The following PTPRD variants were observed in gnomAD, a reference collection of about 807,000 sequenced individuals.
PTPRD encodes the protein protein tyrosine phosphatase receptor type D, also known as receptor-type tyrosine-protein phosphatase delta.
PTPRD carries 34 observed loss-of-function variants against 214.5 expected under a neutral mutation model. The observed-to-expected ratio is 0.16, with a 90% CI of 0.12 to 0.21. The LOEUF (loss-of-function observed/expected upper bound fraction) is 0.21. Ranked by LOEUF, PTPRD falls within the 10% of genes least tolerant of loss-of-function variation. The probability of loss-of-function intolerance (pLI) is 1.00; values close to 1 mark genes in which losing one functional copy is unlikely to be tolerated. For missense variants in PTPRD, 2,545 were observed against 2,398.7 expected, an observed-to-expected ratio of 1.06 and a Z score of -1.27; for synonymous variants, 1,128 against 845.7, an observed-to-expected ratio of 1.33 and a Z score of -5.79.
intron 2 of PTPRD, among the ~76,000 whole-genome samples, chr9:10,408,244 G>GTCTC (rs34337586): frequency 6.6e-6 from 1 of 151,128 alleles, no homozygotes; most frequent in East Asian, 2.0e-4. Flanking sequence ...GTATTTTTAA[G>GTCTC]TCTCTCTCTC....
intron 2 of PTPRD, among the ~76,000 whole-genome samples, chr9:10,566,305 G>C (rs1044651555): frequency 1.3e-5 from 2 of 151,854 alleles, no homozygotes; most frequent in Non-Finnish European, 2.9e-5. Flanking sequence ...CTGGATTGTA[G>C]GGTGTGTATA....
rs1403964010 is a variant in PTPRD, at chr9:8,319,274, T to TATCA, written c.5670+553_5670+556dup. Among the ~76,000 whole-genome samples, 38 of 152,216 alleles carry TATCA rather than the reference T, an allele frequency of 2.5e-4. No homozygotes were observed. The Middle Eastern group carries it at 0.01, about 41-fold the overall frequency. On this transcript the variant is annotated intron_variant, in intron 45 of 45. Transcript: ENST00000381196. ...AATGCTCAATAGACCAGACTGGCTA[T>TATCA]ATCATAAACTCTTATTATTACGAGA...
intron 14 of PTPRD, among the ~76,000 whole-genome samples, chr9:8,553,898 C>A (rs551761890): frequency 6.6e-6 from 1 of 152,104 alleles, no homozygotes; most frequent in South Asian, 2.1e-4. Flanking sequence ...GAGAAAAAGA[C>A]CACAGATTAG....
chr9:8,929,779 G>GTTTATATATAT (rs1491379045), intron 11 of PTPRD, among the ~76,000 whole-genome samples: 1 of 55,752 alleles, frequency 1.8e-5, no homozygotes, highest in Admixed American at 1.8e-4. Flanking sequence ...GTATATATAT[G>GTTTATATATAT]GGTGTGTATA....
At chr9:9,720,821 A>G (rs1203394359) in intron 7 of PTPRD, among the ~76,000 whole-genome samples, 2 of 150,472 alleles carry the variant, frequency 1.3e-5, no homozygotes, top group Non-Finnish European at 3.0e-5. Context: ...CAAAAAAAAG[A>G]ATGATATCAT....
At chr9:10,597,494 G>C (rs750406836) in intron 2 of PTPRD, among the ~76,000 whole-genome samples, 6 of 151,756 alleles carry the variant, frequency 4.0e-5, no homozygotes, top group Non-Finnish European at 8.8e-5. Flanking sequence ...TATCAAATTA[G>C]TAGAAATCAA....
chr9:8,629,009 T>C (rs1482781720), intron 14 of PTPRD, among the ~76,000 whole-genome samples: 3 of 151,796 alleles, frequency 2.0e-5, no homozygotes, highest in Admixed American at 6.6e-5. Flanking sequence ...GGGGCAGTGC[T>C]ATTTGAGAAC....
chr9:10,337,709 G>A (rs1370407228), intron 3 of PTPRD, among the ~76,000 whole-genome samples: 1 of 151,602 alleles, frequency 6.6e-6, no homozygotes, highest in East Asian at 1.9e-4. Context: ...AACTTTACCT[G>A]CATTAACTTA....
At chr9:9,758,927 G>T (rs10977952) in intron 6 of PTPRD, among the ~76,000 whole-genome samples, 1 of 151,954 alleles carries the variant, frequency 6.6e-6, no homozygotes, top group African/African-American at 2.4e-5. Flanking sequence ...TGACTGAAAA[G>T]CTATAGAATT....
At chr9:8,321,911 T>C (rs1022434362) in intron 44 of PTPRD, among the ~76,000 whole-genome samples, 2 of 152,078 alleles carry the variant, frequency 1.3e-5, no homozygotes, top group Admixed American at 6.6e-5. Flanking sequence ...AGTATATTGG[T>C]GCCATTTTTC....
At position 10,204,887 on chromosome 9, in the gene PTPRD, G is replaced by A. The variant is rs969133083; in HGVS notation, c.-545+136076C>T. 4.6e-5 allele frequency among the ~76,000 whole-genome samples: 7 copies of A among 152,252 alleles called. No homozygotes were observed. The East Asian group carries it at 1.4e-3, about 29-fold the overall frequency. ...CAGGTACACAACAAGTCTAGGACTT[G>A]TCTCTAAAATTATTACTTACTAAGG... On this transcript the variant is annotated intron_variant, in intron 3 of 45. Coordinates refer to ENST00000381196, the MANE Select transcript of PTPRD (RefSeq NM_002839.4).
chr9:8,870,687 AACACACACACAC>A (rs3046878), intron 11 of PTPRD, among the ~76,000 whole-genome samples: 42 of 131,466 alleles, frequency 3.2e-4, no homozygotes, highest in African/African-American at 8.3e-4. Context: ...ACAGACATGA[AACACACACACAC>A]ACACACACAC....
intron 5 of PTPRD, 32 bp downstream of exon 5, chr9:9,938,475 G>A (rs10816257): frequency 0.37 from 56,520 of 151,916 alleles, 11,144 homozygotes; most frequent in East Asian, 0.74. Context: ...TGTGTCATGG[G>A]AAACTAGCAT....
At chr9:9,891,702 T>C (rs868109420) in intron 5 of PTPRD, among the ~76,000 whole-genome samples, 17 of 152,242 alleles carry the variant, frequency 1.1e-4, no homozygotes, top group African/African-American at 4.1e-4. Context: ...ATTTCCTATT[T>C]ATAAGTTGAG....
chr9:9,631,495 ACT>A (rs1593560036), intron 7 of PTPRD, among the ~76,000 whole-genome samples: 1 of 152,128 alleles, frequency 6.6e-6, no homozygotes. Context: ...TTGAAGCAGC[ACT>A]CTTTATTCAA....
At chr9:8,645,497 T>C (rs1394750366) in intron 12 of PTPRD, among the ~76,000 whole-genome samples, 2 of 152,216 alleles carry the variant, frequency 1.3e-5, no homozygotes, top group Non-Finnish European at 2.9e-5. Flanking sequence ...ATACCATTAA[T>C]TTTATTTAGG....
intron 11 of PTPRD, among the ~76,000 whole-genome samples, chr9:8,777,880 T>G (rs974334224): frequency 6.6e-6 from 1 of 152,206 alleles, no homozygotes; most frequent in African/African-American, 2.4e-5. Context: ...CATGAAATCC[T>G]TCCTACAACC....
Position 9,618,061 on chromosome 9 carries a change from G to A in PTPRD, c.-286-43280C>T, listed in dbSNP as rs1406463343. Among the ~76,000 whole-genome samples the A allele has an allele frequency of 1.7e-3, 115 of 67,994 alleles. 1 individual carries two copies. Among genetic ancestry groups the A allele is most frequent in the Non-Finnish European group, 3.1e-3 (105 of 34,382 alleles). The allele number at this position is 67,994 out of a possible 152,430, so 44.6% of individuals were successfully genotyped here. ...CACTCCAGCCTGGGCGACAGAGCGA[G>A]ACTCCATCTCAAAAAAAAAAAAAAA... On this transcript the variant is annotated intron_variant, in intron 7 of 45. Coordinates refer to ENST00000381196, the MANE Select transcript of PTPRD (RefSeq NM_002839.4).
At position 8,389,245 on chromosome 9, in the gene PTPRD, T is replaced by C; in HGVS notation, c.4373A>G (p.Glu1458Gly). ...SATVVMMTKL[E>G]ERSRVKCDQY... ...ACTTATTCTTACCCTTGATCTTTCTTCTAGTTTTGTCATCATGACAACTGT... is the reference window on the plus strand; with the variant it reads ...ACTTATTCTTACCCTTGATCTTTCTCCTAGTTTTGTCATCATGACAACTGT... The change falls in exon 37 of 46, where the codon GAA (glutamate) becomes GGA (glycine). Residue 1458 changes from glutamate (E) to glycine (G), a missense_variant. By Grantham distance (98) the Glu-to-Gly change is moderately conservative. Transcript: ENST00000381196. 1 of 1,609,534 alleles carries C rather than the reference T, an allele frequency of 6.2e-7. No individual in the cohort carries two copies. The highest frequency in any genetic ancestry group is 8.5e-7 in the Non-Finnish European group (1 of 1,178,088).
Sources: allele counts gnomAD v4.1 joint callset (sites outside exome capture counted in the v4.1 genomes callset), GRCh38; gene constraint gnomAD v4.1.1; transcripts MANE v1.5; gene names NCBI Gene and HGNC (gene_info 2026-07-23, HGNC 2026-07-21).